Variants in CATSPERT observed in about 807,000 individuals in gnomAD.
CATSPERT encodes cation channel sperm-associated targeting subunit tau.
chr2:201,575,067 A>AGAAGAG, the CATSPERT span, among the ~76,000 whole-genome samples: 2 of 142,944 alleles, frequency 1.4e-5, no homozygotes, highest in South Asian at 2.3e-4. Flanking sequence ...AAGAAGAAGA[A>AGAAGAG]GAGGAGGAAG....
At chr2:201,611,733 T>C in the CATSPERT span, among the ~76,000 whole-genome samples, 3 of 152,122 alleles carry the variant, frequency 2.0e-5, no homozygotes, top group African/African-American at 7.2e-5. Context: ...GAGAAAATAT[T>C]TGTGACACTT....
the CATSPERT span, chr2:201,494,316 G>A: frequency 2.0e-6 from 3 of 1,537,086 alleles, no homozygotes; most frequent in Non-Finnish European, 2.6e-6. Context: ...AAATTGACTT[G>A]AGTATCATTG....
the CATSPERT span, among the ~76,000 whole-genome samples, chr2:201,528,821 T>G: frequency 1.3e-5 from 2 of 152,104 alleles, no homozygotes; most frequent in African/African-American, 4.8e-5. Flanking sequence ...ATTTGCTACC[T>G]GGGTGATAAA....
the CATSPERT span, among the ~76,000 whole-genome samples, chr2:201,589,603 CT>C: frequency 6.6e-6 from 1 of 151,998 alleles, no homozygotes; most frequent in African/African-American, 2.4e-5. Context: ...CAAAAATTCA[CT>C]CAAGATTGAT....
the CATSPERT span, among the ~76,000 whole-genome samples, chr2:201,519,393 C>T: frequency 6.6e-6 from 1 of 152,044 alleles, no homozygotes; most frequent in Non-Finnish European, 1.5e-5. Flanking sequence ...CAAAACCTTC[C>T]CCAAAAGACG....
chr2:201,487,707 G>A, the CATSPERT span: 3 of 1,613,946 alleles, frequency 1.9e-6, no homozygotes, highest in Non-Finnish European at 2.5e-6. Flanking sequence ...GAAACCATTC[G>A]ACGACTTGTA....
chr2:201,501,395 C>CAAAA, the CATSPERT span, among the ~76,000 whole-genome samples: 706 of 44,182 alleles, frequency 0.016, no homozygotes, highest in East Asian at 0.024. Context: ...AACTCCATCT[C>CAAAA]AAAAAAAAAA....
the CATSPERT span, chr2:201,494,289 T>C: frequency 6.5e-7 from 1 of 1,537,112 alleles, no homozygotes; most frequent in African/African-American, 1.4e-5. Context: ...CTGAAAGGTC[T>C]TGCAGATTTT....
chr2:201,551,462 G>C, the CATSPERT span, among the ~76,000 whole-genome samples: 1 of 152,160 alleles, frequency 6.6e-6, no homozygotes, highest in African/African-American at 2.4e-5. Flanking sequence ...GATTATACAT[G>C]GTGCCATTTG....
chr2:201,574,411 C>T, the CATSPERT span: 4 of 607,354 alleles, frequency 6.6e-6, no homozygotes, highest in East Asian at 3.2e-5. Context: ...TTTAAAAAAG[C>T]GTTTACACAA....
the CATSPERT span, among the ~76,000 whole-genome samples, chr2:201,525,767 A>G: frequency 6.6e-6 from 1 of 152,322 alleles, no homozygotes; most frequent in South Asian, 2.1e-4. Context: ...AAACACAATC[A>G]GAAATGACAA....
chr2:201,496,167 A>G, the CATSPERT span, among the ~76,000 whole-genome samples: 9 of 152,146 alleles, frequency 5.9e-5, no homozygotes, highest in South Asian at 1.9e-3. Context: ...TGGTATTATA[A>G]TAGTCACCCT....
At chr2:201,604,884 A>G in the CATSPERT span, among the ~76,000 whole-genome samples, 3 of 152,156 alleles carry the variant, frequency 2.0e-5, no homozygotes, top group African/African-American at 7.2e-5. Flanking sequence ...AAATGTACAC[A>G]AATATAAAAT....
At chr2:201,596,343 C>T in the CATSPERT span, among the ~76,000 whole-genome samples, 4 of 152,158 alleles carry the variant, frequency 2.6e-5, no homozygotes, top group Non-Finnish European at 5.9e-5. Context: ...ACAAATGCTA[C>T]ATGTTCTCAC....
the CATSPERT span, among the ~76,000 whole-genome samples, chr2:201,538,589 C>A: frequency 6.6e-6 from 1 of 152,002 alleles, no homozygotes; most frequent in Admixed American, 6.6e-5. Context: ...ACTCTATGAC[C>A]AGTGATCTTT....
At chr2:201,569,863 C>A in the CATSPERT span, among the ~76,000 whole-genome samples, 1 of 152,124 alleles carries the variant, frequency 6.6e-6, no homozygotes, top group African/African-American at 2.4e-5. Context: ...CTTTCTAACT[C>A]CCCAAGCTAC....
chr2:201,582,502 C>A, the CATSPERT span, among the ~76,000 whole-genome samples: 254 of 152,178 alleles, frequency 1.7e-3, no homozygotes, highest in Non-Finnish European at 3.1e-3. Flanking sequence ...ACACCCATTA[C>A]CTACATTCTC....
chr2:201,596,643 C>T, the CATSPERT span, among the ~76,000 whole-genome samples: 1 of 152,196 alleles, frequency 6.6e-6, no homozygotes, highest in African/African-American at 2.4e-5. Flanking sequence ...GTGACAGTAT[C>T]CCACCAGTTT....
the CATSPERT span, among the ~76,000 whole-genome samples, chr2:201,548,577 GA>G: frequency 1.3e-5 from 2 of 151,336 alleles, no homozygotes; most frequent in African/African-American, 4.9e-5. Context: ...TAAAACAAGT[GA>G]AAAAAAGGAT....
Sources: gnomAD v4.1 joint callset for allele counts (sites outside exome capture counted in the v4.1 genomes callset) on GRCh38, gnomAD v4.1.1 for gene constraint, MANE v1.5 for transcripts, NCBI Gene and HGNC (gene_info 2026-07-23, HGNC 2026-07-21) for gene names.